GARNL3: variants seen among roughly 807,000 people sequenced by gnomAD.
The protein encoded by GARNL3 is GTPase-activating Rap/Ran-GAP domain-like protein 3.
In GARNL3, 63 loss-of-function variants were observed where a neutral mutation model predicts 125.0. The ratio of observed to expected loss-of-function variants is 0.50; its 90% CI spans 0.41 to 0.62. The LOEUF is 0.62. GARNL3 is among the 20% of genes least tolerant of loss of function. The pLI is 0.00. For synonymous variants in GARNL3, 439 were observed against 457.5 expected (o/e 0.96, Z 0.52); for missense variants, 994 against 1,244.0 (o/e 0.80, Z 3.02).
At chr9:127,312,603 G>T (rs1462993428) in intron 3 of GARNL3, among the ~76,000 whole-genome samples, 1 of 152,162 alleles carries the variant, frequency 6.6e-6, no homozygotes, top group Non-Finnish European at 1.5e-5. Context: ...GATTCAAAAT[G>T]AGTTAGAGAA....
At chr9:127,225,689 C>T (rs1357486128) in intron 1 of GARNL3, among the ~76,000 whole-genome samples, 3 of 149,352 alleles carry the variant, frequency 2.0e-5, no homozygotes, top group Non-Finnish European at 4.5e-5. Flanking sequence ...ATGTGCCCTG[C>T]CCACCTCTGG....
rs546493681 is a variant in GARNL3, at chr9:127,266,459, G to A, written c.144+1438G>A. Among the ~76,000 whole-genome samples, 7 of 152,290 alleles carry A rather than the reference G, an allele frequency of 4.6e-5. No homozygotes were observed. In the South Asian group the frequency reaches 1.0e-3, roughly 23 times the overall value. On this transcript the variant is annotated intron_variant, in intron 1 of 27. Coordinates refer to ENST00000373387, the MANE Select transcript of GARNL3 (RefSeq NM_032293.5). This position sits in a 1 kb window ranked among gnomAD's most constrained non-coding sequence, Gnocchi z 4.0. ...CAAGCTTTGGAATCAGGTAGGCCTG[G>A]GTTCCCATACCAGGTCTATTACTTA...
intron 2 of GARNL3, among the ~76,000 whole-genome samples, chr9:127,253,512 T>C (rs1356525148): frequency 6.6e-6 from 1 of 152,182 alleles, no homozygotes; most frequent in Non-Finnish European, 1.5e-5. Flanking sequence ...GCTTAAATTG[T>C]AGGTGGGGAG....
intron 1 of GARNL3, among the ~76,000 whole-genome samples, chr9:127,265,418 C>G (rs2063683381): frequency 6.6e-6 from 1 of 151,860 alleles, no homozygotes; most frequent in Admixed American, 6.6e-5. Flanking sequence ...TGTATGTTTG[C>G]TTTCTGGGTG....
At chr9:127,278,411 G>A (rs2064014229) in intron 1 of GARNL3, among the ~76,000 whole-genome samples, 1 of 152,052 alleles carries the variant, frequency 6.6e-6, no homozygotes, top group East Asian at 1.9e-4. Flanking sequence ...AATTGCATTG[G>A]CTATGACCTC....
At chr9:127,293,056 C>G (rs1192893787) in intron 2 of GARNL3, among the ~76,000 whole-genome samples, 2 of 152,208 alleles carry the variant, frequency 1.3e-5, no homozygotes, top group East Asian at 3.8e-4. Flanking sequence ...ACCGAAACTA[C>G]TGAGCATGAT....
chr9:127,371,715 C>CAT (rs1226440700), intron 22 of GARNL3, among the ~76,000 whole-genome samples: 1 of 152,142 alleles, frequency 6.6e-6, no homozygotes, highest in African/African-American at 2.4e-5. Flanking sequence ...GTTTTTTAAT[C>CAT]AAGTGAGTCA....
intron 3 of GARNL3, 183 bp from the exon 4 acceptor site, chr9:127,313,258 C>T: frequency 3.4e-6 from 2 of 596,916 alleles, no homozygotes; most frequent in South Asian, 3.8e-5. Context: ...CTGAACCAGT[C>T]ACTAGCAAGG....
intron 1 of GARNL3, among the ~76,000 whole-genome samples, chr9:127,236,719 A>G (rs529911422): frequency 1.1e-4 from 16 of 152,142 alleles, no homozygotes; most frequent in Non-Finnish European, 2.2e-4. Flanking sequence ...CCTCCACACG[A>G]CCCTAGTGTG....
At chr9:127,341,655 G>T (rs563723704) in intron 13 of GARNL3, among the ~76,000 whole-genome samples, 26 of 152,286 alleles carry the variant, frequency 1.7e-4, no homozygotes, top group African/African-American at 6.0e-4. Context: ...CAAGGAAGGG[G>T]CCGCTAAAGA....
At chr9:127,344,761 C>T (rs886498130) in intron 15 of GARNL3, among the ~76,000 whole-genome samples, 9 of 152,210 alleles carry the variant, frequency 5.9e-5, no homozygotes, top group African/African-American at 2.2e-4. Context: ...CACCCTATGA[C>T]TTGGAAACAA....
Position 127,247,359 on chromosome 9 carries a change from C to T in GARNL3, c.143+4110C>T, listed in dbSNP as rs2063322326. ...AGAGAATATATGGGTTCATGGAACC[C>T]AAACTAAGAAAAGGGACGGATCTGG... On this transcript the variant is annotated intron_variant, in intron 2 of 10. Transcript: ENST00000439286. Among the ~76,000 whole-genome samples the T allele has an allele frequency of 2.0e-5, 3 of 152,158 alleles. No individual in the cohort carries two copies. The South Asian group carries it at 6.2e-4, about 32-fold the overall frequency.
chr9:127,324,980 G>T, intron 6 of GARNL3, 89 bp from the exon 7 acceptor site: 1 of 1,333,136 alleles, frequency 7.5e-7, no homozygotes, highest in South Asian at 1.2e-5. Context: ...ATGTCAGTGT[G>T]AGCAAACCAA....
chr9:127,234,327 G>A (rs892995691), intron 1 of GARNL3, among the ~76,000 whole-genome samples: 1 of 152,178 alleles, frequency 6.6e-6, no homozygotes, highest in Non-Finnish European at 1.5e-5. Flanking sequence ...TGGTTGTCTG[G>A]TTTCCAGAGT....
In GARNL3 at chr9:127,365,266, G is replaced by A. The variant is rs754581317; in HGVS notation, c.2095-34G>A. 7 of 1,577,522 alleles carry A rather than the reference G, an allele frequency of 4.4e-6. No individual in the cohort carries two copies. In the African/African-American group the frequency reaches 8.1e-5, roughly 18 times the overall value. On this transcript the variant is annotated intron_variant, in intron 21 of 27. Transcript: ENST00000373387. Reference sequence around the variant, plus strand: ...AGTCTTTTCACAGGGTCAGCATCCAGCCTGCCCACTACCGTTGCCCGTTAT... The same window carrying A: ...AGTCTTTTCACAGGGTCAGCATCCAACCTGCCCACTACCGTTGCCCGTTAT...
At chr9:127,308,320 A>G (rs1169901864) in intron 2 of GARNL3, among the ~76,000 whole-genome samples, 1 of 152,210 alleles carries the variant, frequency 6.6e-6, no homozygotes, top group African/African-American at 2.4e-5. Flanking sequence ...ATGAGGAGGG[A>G]AGATGCTGCA....
chr9:127,277,339 G>A (rs1048817812), intron 1 of GARNL3, among the ~76,000 whole-genome samples: 5 of 150,690 alleles, frequency 3.3e-5, no homozygotes, highest in African/African-American at 1.2e-4. Context: ...TGAGCTTCTG[G>A]CACTTTCTCT....
chr9:127,386,025 AAAT>A (rs1832525414), intron 24 of GARNL3, among the ~76,000 whole-genome samples: 1 of 152,268 alleles, frequency 6.6e-6, no homozygotes. Flanking sequence ...TACAATTTAC[AAAT>A]AATAAATATA....
In GARNL3 at chr9:127,342,326, T is replaced by A. The variant is rs142937906; in HGVS notation, c.1243T>A (p.Leu415Met). The change falls in exon 14 of 28, where the codon TTG becomes ATG. Residue 415 changes from leucine to methionine, a missense_variant. This residue lies in a region of GARNL3 where 728 missense variants were observed against 865.7 expected (regional missense o/e 0.84). Transcript: ENST00000373387. ...TTTACACCAGGATTTGATGCCAGATTTGCATAAGGTAATTCTGGGTCCATG... is the reference window on the plus strand; with the variant it reads ...TTTACACCAGGATTTGATGCCAGATATGCATAAGGTAATTCTGGGTCCATG... Reference protein sequence around the residue: ...RSLHQDLMPDLHKNMLNRRSF... With the variant: ...RSLHQDLMPDMHKNMLNRRSF... The A allele has an allele frequency of 4.5e-4, 716 of 1,599,414 alleles. 1 individual carries two copies. The highest frequency in any genetic ancestry group is 1.2e-3 in the Admixed American group (73 of 60,016).
Sources: gnomAD v4.1 joint callset for allele counts (sites outside exome capture counted in the v4.1 genomes callset) on GRCh38, gnomAD v4.1.1 for gene constraint, gnomAD v4.1.1 regional missense constraint, Gnocchi (gnomAD v3.1) non-coding constraint, MANE v1.5 for transcripts, NCBI Gene and HGNC (gene_info 2026-07-23, HGNC 2026-07-21) for gene names.